Variants in SYNRG observed in about 807,000 individuals in gnomAD.
SYNRG encodes the protein AP1 gamma subunit binding protein 1.
A neutral mutation model predicts 130.9 loss-of-function variants in SYNRG; 37 were observed. That is an observed-to-expected ratio of 0.28 (90% CI 0.22 to 0.37). The LOEUF is 0.37. SYNRG is among the 10% of genes least tolerant of loss of function. The probability of loss-of-function intolerance (pLI) is 1.00; values close to 1 mark genes in which losing one functional copy is unlikely to be tolerated. For synonymous variants in SYNRG, 539 were observed against 568.1 expected (o/e 0.95, Z 0.73); for missense variants, 1,338 against 1,588.9 (o/e 0.84, Z 2.68).
chr17:37,550,923 A>C (rs2058664825), intron 14 of SYNRG, among the ~76,000 whole-genome samples: 1 of 152,202 alleles, frequency 6.6e-6, no homozygotes, highest in Non-Finnish European at 1.5e-5. Flanking sequence ...AAAACAGCCT[A>C]GTTGAAATTA....
chr17:37,544,715 A>G (rs2058112802), intron 14 of SYNRG, among the ~76,000 whole-genome samples: 1 of 152,106 alleles, frequency 6.6e-6, no homozygotes, highest in South Asian at 2.1e-4. Context: ...TTTTTTCCCC[A>G]CGATTTAAAG....
rs538767645 is a variant in SYNRG at position 37,518,752 on chromosome 17, G to A, written c.*188C>T. 1.7e-4 allele frequency: 108 copies of A among 635,464 alleles called. No individual in the cohort carries two copies. The highest frequency in any genetic ancestry group is 1.5e-3 in the African/African-American group (85 of 55,192). 39.4% of individuals were successfully genotyped at this position (635,464 alleles called of 1,614,324 possible). The stretch of plus-strand genomic sequence containing the variant: ...AAGCTTCTGGTGCCACGTGCAGTTT[G>A]GGTGGGACAATTTTACCTGAAGTCC... On this transcript the variant is annotated 3_prime_UTR_variant, in exon 22 of 22. Coordinates refer to ENST00000612223, the MANE Select transcript of SYNRG (RefSeq NM_007247.6).
chr17:37,568,554 A>C (rs899972940), intron 11 of SYNRG: 3 of 403,392 alleles, frequency 7.4e-6, no homozygotes, highest in Non-Finnish European at 1.3e-5. Context: ...GGCACAGGTA[A>C]AAAAGAATAT....
In SYNRG at chr17:37,553,479, G is replaced by T; in HGVS notation, c.2244C>A (p.Phe748Leu). 1.2e-6 allele frequency: 2 copies of T among 1,614,180 alleles called. No homozygotes were observed. Among genetic ancestry groups the T allele is most frequent in the South Asian group, 2.2e-5 (2 of 91,080 alleles). The change falls in exon 14 of 22, where the codon TTC becomes TTA. Residue 748 changes from phenylalanine to leucine, a missense_variant. Phe to Leu is a conservative substitution (Grantham distance 22). Around this residue, in one of 3 missense-constraint regions of SYNRG, gnomAD observed 1,146 missense variants for 1,342.3 expected, o/e 0.85. Transcript: ENST00000612223. ...CAGACCCTTCCAGAGAAAGTTGTCT[G>T]AAGACATCGTACTTGGTAGACGCAG... ...STAASTKYDV[F>L]RQLSLEGSGL...
At chr17:37,588,836 A>C (rs2061909676) in intron 3 of SYNRG, among the ~76,000 whole-genome samples, 1 of 152,146 alleles carries the variant, frequency 6.6e-6, no homozygotes, top group East Asian at 1.9e-4. Flanking sequence ...AGTATTCTAC[A>C]AAAATAATAA....
chr17:37,519,711 A>C (rs888294062), intron 21 of SYNRG, among the ~76,000 whole-genome samples: 2 of 152,252 alleles, frequency 1.3e-5, no homozygotes, highest in African/African-American at 4.8e-5. Flanking sequence ...GAACAGGCTT[A>C]TCAGTAAGCT....
intron 6 of SYNRG, among the ~76,000 whole-genome samples, chr17:37,581,271 T>C (rs1048107087): frequency 7.3e-6 from 1 of 136,486 alleles, no homozygotes; most frequent in East Asian, 3.0e-4. Flanking sequence ...ATTATTATTA[T>C]TACTATTATT....
At chr17:37,559,519 G>A (rs143707750) in intron 13 of SYNRG, among the ~76,000 whole-genome samples, 59 of 152,226 alleles carry the variant, frequency 3.9e-4, no homozygotes, top group African/African-American at 1.3e-3. Context: ...GTGAAACCCC[G>A]TTTCTACTAA....
intron 13 of SYNRG, among the ~76,000 whole-genome samples, chr17:37,560,264 C>T (rs965581342): frequency 5.3e-5 from 8 of 151,836 alleles, no homozygotes; most frequent in African/African-American, 1.7e-4. Context: ...ACATTTACCT[C>T]CTTGTAATCT....
rs1175433714 is a variant in SYNRG at position 37,536,231 on chromosome 17, G to A, written c.3518-104C>T. On this transcript the variant is annotated intron_variant, in intron 18 of 21. Coordinates refer to ENST00000612223, the MANE Select transcript of SYNRG (RefSeq NM_007247.6). The stretch of plus-strand genomic sequence containing the variant: ...CTGATATCTGTGAGAAACAATGGGT[G>A]TATCTGGACAGAGGTGTACTTACTA... The A allele has an allele frequency of 2.3e-6, 3 of 1,322,390 alleles. No homozygotes were observed. The African/African-American group carries it at 4.4e-5, about 20-fold the overall frequency. The allele number at this position is 1,322,390 out of a possible 1,614,324, so 81.9% of individuals were successfully genotyped here.
At chr17:37,605,706 TA>T in intron 1 of SYNRG, 2 of 547,366 alleles carry the variant, frequency 3.7e-6, no homozygotes, top group Non-Finnish European at 4.7e-6. Flanking sequence ...AATAAGACAG[TA>T]AAAGCTTGGC....
intron 15 of SYNRG, 110 bp downstream of exon 15, chr17:37,541,862 G>C (rs1300848080): frequency 9.5e-7 from 1 of 1,056,864 alleles, no homozygotes; most frequent in Non-Finnish European, 1.4e-6. Context: ...TCAAAGATTA[G>C]AACAATCTAT....
chr17:37,592,201 C>T (rs1014995464), intron 3 of SYNRG, among the ~76,000 whole-genome samples: 2 of 152,130 alleles, frequency 1.3e-5, no homozygotes, highest in African/African-American at 4.8e-5. Flanking sequence ...TGAAAAGATG[C>T]TCAACACCAT....
At chr17:37,552,090 C>G (rs2145317730) in intron 14 of SYNRG, among the ~76,000 whole-genome samples, 1 of 152,306 alleles carries the variant, frequency 6.6e-6, no homozygotes, top group South Asian at 2.1e-4. Flanking sequence ...GCCAATTTGA[C>G]ATATGCAAAA....
chr17:37,572,101 C>A (rs566483270), intron 8 of SYNRG, 114 bp from the exon 9 acceptor site: 2 of 871,624 alleles, frequency 2.3e-6, no homozygotes, highest in East Asian at 2.6e-5. Context: ...TTAATAGAAC[C>A]GAAGCCATGT....
chr17:37,555,442 T>C (rs772177373), intron 13 of SYNRG, among the ~76,000 whole-genome samples: 9 of 152,316 alleles, frequency 5.9e-5, no homozygotes, highest in Non-Finnish European at 1.0e-4. Context: ...CCTGTGATTC[T>C]TAAAAGGTTT....
intron 14 of SYNRG, among the ~76,000 whole-genome samples, chr17:37,550,788 G>A (rs952706196): frequency 1.3e-5 from 2 of 152,018 alleles, no homozygotes; most frequent in African/African-American, 4.8e-5. Flanking sequence ...AGCTACAGAA[G>A]TCTTGCTAAC....
intron 19 of SYNRG, among the ~76,000 whole-genome samples, chr17:37,527,667 T>C (rs913572921): frequency 6.6e-6 from 1 of 152,204 alleles, no homozygotes; most frequent in Non-Finnish European, 1.5e-5. Context: ...TACATTGTAT[T>C]AGGTGTTATA....
intron 1 of SYNRG, among the ~76,000 whole-genome samples, chr17:37,606,221 T>A (rs1598707884): frequency 6.6e-6 from 1 of 152,352 alleles, no homozygotes; most frequent in Middle Eastern, 3.4e-3. Context: ...TAGTGTTGAC[T>A]AGGCCTTCCC....
Sources: gnomAD v4.1 joint callset for allele counts (sites outside exome capture counted in the v4.1 genomes callset) on GRCh38, gnomAD v4.1.1 for gene constraint, gnomAD v4.1.1 regional missense constraint, MANE v1.5 for transcripts, NCBI Gene and HGNC (gene_info 2026-07-23, HGNC 2026-07-21) for gene names.